The following PLCB2 variants were observed in gnomAD, a reference collection of about 807,000 sequenced individuals.
PLCB2 encodes the protein 1-phosphatidylinositol 4,5-bisphosphate phosphodiesterase beta-2.
In PLCB2, 115 loss-of-function variants were observed where a neutral mutation model predicts 141.7. That is an observed-to-expected ratio of 0.81 (90% CI 0.70 to 0.95). The LOEUF (loss-of-function observed/expected upper bound fraction) is 0.95, where lower values mean the gene tolerates loss of function less well. PLCB2 is among the 40% of genes least tolerant of loss of function. PLCB2 has a pLI of 0.00. For synonymous variants in PLCB2, 603 were observed against 595.6 expected (o/e 1.01, Z -0.18); for missense variants, 1,403 against 1,541.1 (o/e 0.91, Z 1.50).
chr15:40,306,158 T>G (rs755749940), intron 1 of PLCB2, among the ~76,000 whole-genome samples: 2 of 152,164 alleles, frequency 1.3e-5, no homozygotes, highest in Non-Finnish European at 2.9e-5. Context: ...TTTGCTTACA[T>G]CCTATGTATT....
At chr15:40,306,742 C>T (rs1041276095) in intron 1 of PLCB2, among the ~76,000 whole-genome samples, 1 of 152,208 alleles carries the variant, frequency 6.6e-6, no homozygotes, top group African/African-American at 2.4e-5. Flanking sequence ...CCCTCCCCCA[C>T]CAAGCCTTCA....
Position 40,296,772 on chromosome 15 carries a change from G to T in PLCB2, c.1460C>A (p.Pro487His). ...TGTGCCCTCACCTGCAGGGGCACTG[G>T]GTGGGCTGCTGCCCTCAGCCTCCCC... is the stretch of plus-strand genomic sequence containing the variant. ...TGGEAEGSSPPSAPAGEGTVW... is the reference protein window; with the variant it reads ...TGGEAEGSSPHSAPAGEGTVW... Residue 487 changes from proline to histidine, a missense_variant, in exon 14 of 32, where the codon CCC becomes CAC. Around this residue, in one of 4 missense-constraint regions of PLCB2, gnomAD observed 975 missense variants for 1,141.1 expected, o/e 0.85. Coordinates refer to ENST00000260402, the MANE Select transcript of PLCB2 (RefSeq NM_004573.3). 1 of 1,613,866 alleles carries T rather than the reference G, an allele frequency of 6.2e-7. No individual in the cohort carries two copies. Among genetic ancestry groups the T allele is most frequent in the South Asian group, 1.1e-5 (1 of 91,078 alleles).
intron 30 of PLCB2, 83 bp downstream of exon 30, chr15:40,289,926 GAAGAGAGAGAGAGAGA>G: frequency 1.4e-6 from 1 of 726,210 alleles, no homozygotes; most frequent in Non-Finnish European, 2.3e-6. Flanking sequence ...TCCTACTTGT[GAAGAGAGAGAGAGAGA>G]GAGAGAGAGA....
At chr15:40,286,183 G>A, downstream of PLCB2, 1 of 291,688 alleles carries the variant, frequency 3.4e-6, no homozygotes, top group Non-Finnish European at 5.1e-6. Context: ...GCTGAAGGCT[G>A]ACAGGAGATG....
chr15:40,303,262 CCTGGGCTGCTA>C lies in PLCB2; in HGVS notation c.231+15_231+25del. On this transcript the variant is annotated intron_variant, in intron 3 of 31. Transcript: ENST00000260402. The stretch of plus-strand genomic sequence containing the variant: ...CATGGAGCTAGTAGCTGTGCTTGAG[CCTGGGCTGCTA>C]CTGGACACACCTACCTTGGGCATCT... The C allele has an allele frequency of 6.4e-7, 1 of 1,573,998 alleles. No homozygotes were observed. Among genetic ancestry groups the C allele is most frequent in the South Asian group, 1.1e-5 (1 of 90,398 alleles).
At chr15:40,284,931 A>G (rs2039589924), downstream of PLCB2, among the ~76,000 whole-genome samples, 1 of 151,092 alleles carries the variant, frequency 6.6e-6, no homozygotes, top group South Asian at 2.1e-4. Flanking sequence ...AGGGGACACT[A>G]TTGAGGGCTG....
rs935411796 is a variant in PLCB2, at chr15:40,299,233, G to A, written c.583-5C>T. The A allele has an allele frequency of 6.3e-7, 1 of 1,599,398 alleles. No individual in the cohort carries two copies. Among genetic ancestry groups the A allele is most frequent in the African/African-American group, 1.3e-5 (1 of 74,560 alleles). On this transcript the variant is annotated splice_region_variant and splice_polypyrimidine_tract_variant and intron_variant, in intron 7 of 31. Transcript: ENST00000260402. ...CTCAGGATTGATGGCGTCATTCTAG[G>A]GGCATAGTAACCTTATTGCCCCTGC...
chr15:40,292,104 T>G lies in PLCB2; in HGVS notation c.2486A>C (p.Lys829Thr), dbSNP rs1421481192. The G allele has an allele frequency of 6.2e-7, 1 of 1,614,068 alleles. No individual in the cohort carries two copies. Among genetic ancestry groups the G allele is most frequent in the African/African-American group, 1.3e-5 (1 of 74,918 alleles). The change falls in exon 23 of 32, where the codon AAG becomes ACG. Residue 829 changes from lysine to threonine, a missense_variant. By Grantham distance (78) the Lys-to-Thr change is moderately conservative. This residue lies in a region of PLCB2 where 975 missense variants were observed against 1,141.1 expected (regional missense o/e 0.85). Transcript: ENST00000260402. ...CATGGCCTCCTTGAGCTTCACAGAC[T>G]TCGTGTCATGGGCACTGAAGAACTT... ...PIKFFSAHDT[K>T]SVKLKEAMGG...
intron 20 of PLCB2, 79 bp downstream of exon 20, chr15:40,293,481 T>G: frequency 7.1e-7 from 1 of 1,409,686 alleles, no homozygotes. Flanking sequence ...GTCAAGGAGC[T>G]GCCTTGTTTA....
chr15:40,284,311 C>T, downstream of PLCB2: 1 of 322,240 alleles, frequency 3.1e-6, no homozygotes, highest in Middle Eastern at 4.5e-4. Flanking sequence ...TTGTTGCCGG[C>T]AGCGGGTAAG....
chr15:40,294,972 C>T lies in PLCB2; in HGVS notation c.1870G>A (p.Gly624Arg). 6.2e-7 allele frequency: 1 copy of T among 1,614,130 alleles called. No homozygotes were observed. Among genetic ancestry groups the T allele is most frequent in the South Asian group, 1.1e-5 (1 of 91,080 alleles). The change falls in exon 18 of 32, where the codon GGA (glycine) becomes AGA (arginine). Residue 624 changes from glycine (G) to arginine (R), a missense_variant. Coordinates refer to ENST00000260402, the MANE Select transcript of PLCB2 (RefSeq NM_004573.3). ...NYMPQMFWNA[G>R]CQMVALNFQT... ...AAGTTGAGGGCAACCATCTGGCATC[C>T]AGCATTCCAGAACATCTGGGGCATG...
Position 40,293,010 on chromosome 15 carries a change from G to C in PLCB2, c.2242C>G (p.Leu748Val), listed in dbSNP as rs1386706175. ...ATCACAGCCACTCTGAGGGAGGCCA[G>C]CTCAGGCATCAAGATCTGGGGAGAG... ...FVFEKILMPE[L>V]ASLRVAVMEE... Residue 748 changes from leucine to valine, a missense_variant, in exon 21 of 32, where the codon CTG becomes GTG. Leu to Val is a conservative substitution (Grantham distance 32). Transcript: ENST00000260402. 1 of 1,601,054 alleles carries C rather than the reference G, an allele frequency of 6.2e-7. No homozygotes were observed. The highest frequency in any genetic ancestry group is 8.5e-7 in the Non-Finnish European group (1 of 1,172,874).
Position 40,299,245 on chromosome 15 carries a change from C to T in PLCB2, c.583-17G>A. 3 of 1,511,578 alleles carry T rather than the reference C, an allele frequency of 2.0e-6. No homozygotes were observed. Among genetic ancestry groups the T allele is most frequent in the Non-Finnish European group, 2.8e-6 (3 of 1,086,484 alleles). The allele number at this position is 1,511,578 out of a possible 1,614,324, so 93.6% of individuals were successfully genotyped here. A position where few individuals can be genotyped will look rare whatever the true frequency, so the allele number is the denominator to read the frequency against. On this transcript the variant is annotated splice_polypyrimidine_tract_variant and intron_variant, in intron 7 of 31. Coordinates refer to ENST00000260402, the MANE Select transcript of PLCB2 (RefSeq NM_004573.3). ...GGCGTCATTCTAGGGGCATAGTAACCTTATTGCCCCTGCCCTCACCTTCTC... is the reference window on the plus strand; with the variant it reads ...GGCGTCATTCTAGGGGCATAGTAACTTTATTGCCCCTGCCCTCACCTTCTC...
chr15:40,294,198 G>A (rs548394837), intron 19 of PLCB2, 68 bp downstream of exon 19: 1 of 1,483,756 alleles, frequency 6.7e-7, no homozygotes, highest in African/African-American at 1.4e-5. Context: ...TTGAGTGAGG[G>A]GTGGGCTCCT....
rs2040288038 is a variant in PLCB2, at chr15:40,297,569, C to T, written c.1275G>A (p.Arg425=). The T allele has an allele frequency of 6.2e-7, 1 of 1,614,062 alleles. No homozygotes were observed. The highest frequency in any genetic ancestry group is 1.3e-5 in the African/African-American group (1 of 74,932). The change falls in exon 13 of 32, where the codon CGG becomes CGA. Residue 425 remains arginine (R), a synonymous_variant. Coordinates refer to ENST00000260402, the MANE Select transcript of PLCB2 (RefSeq NM_004573.3). This position sits in a 1 kb window ranked among gnomAD's most constrained non-coding sequence, Gnocchi z 4.2. Reference sequence around the variant, plus strand: ...TGAGCAGCATATCCCCAAAGATCGTCCGGCAATACTCAGCCATCTTAGCCT... The same window carrying T: ...TGAGCAGCATATCCCCAAAGATCGTTCGGCAATACTCAGCCATCTTAGCCT... ...RQQAKMAEYC[R]TIFGDMLLTE... is the part of the protein sequence containing the mutation.
In PLCB2 at chr15:40,303,333, G is replaced by A. The variant is rs781683919; in HGVS notation, c.186C>T (p.Thr62=). Residue 62 remains threonine (T), a synonymous_variant, in exon 3 of 32, where the codon ACC becomes ACT. Coordinates refer to ENST00000260402, the MANE Select transcript of PLCB2 (RefSeq NM_004573.3). ...TCCCAAAGCGAGTATCCCGGATGCT[G>A]GTGATATCCAGAAACTCCATCTCCT... ...QSKEMEFLDI[T]SIRDTRFGKF... is the part of the protein sequence containing the mutation. 2 of 1,613,704 alleles carry A rather than the reference G, an allele frequency of 1.2e-6. No homozygotes were observed. The highest frequency in any genetic ancestry group is 1.3e-5 in the African/African-American group (1 of 75,000).
At chr15:40,305,272 C>T (rs993324793) in intron 1 of PLCB2, among the ~76,000 whole-genome samples, 1 of 151,188 alleles carries the variant, frequency 6.6e-6, no homozygotes, top group African/African-American at 2.4e-5. Context: ...TGGTTTGCTG[C>T]ACCTGTCAAC....
intron 22 of PLCB2, 48 bp from the exon 23 acceptor site, chr15:40,292,206 G>T (rs1176510618): frequency 1.9e-6 from 3 of 1,557,290 alleles, no homozygotes; most frequent in South Asian, 1.1e-5. Context: ...TGGAGATGTG[G>T]CTGGAAGTCT....
At chr15:40,287,377 A>C (rs987905852), downstream of PLCB2, among the ~76,000 whole-genome samples, 1 of 152,144 alleles carries the variant, frequency 6.6e-6, no homozygotes, top group Non-Finnish European at 1.5e-5. Flanking sequence ...ATAAGAAAAC[A>C]ACCTCTTCCC....
Sources: gnomAD v4.1 joint callset for allele counts (sites outside exome capture counted in the v4.1 genomes callset) on GRCh38, gnomAD v4.1.1 for gene constraint, gnomAD v4.1.1 regional missense constraint, Gnocchi (gnomAD v3.1) non-coding constraint, MANE v1.5 for transcripts, NCBI Gene and HGNC (gene_info 2026-07-23, HGNC 2026-07-21) for gene names.